Variants in GPC5 observed in about 807,000 individuals in gnomAD.
GPC5 encodes the protein glypican 5, also known as glypican-5.
In GPC5, 47 loss-of-function variants were observed where a neutral mutation model predicts 53.9. The observed-to-expected ratio is 0.87, with a 90% CI of 0.69 to 1.11. The LOEUF is 1.11. Among genes scored for constraint, GPC5 ranks in the 50% most tolerant of loss-of-function variants. The probability of loss-of-function intolerance (pLI) is 0.00; values close to 1 mark genes in which losing one functional copy is unlikely to be tolerated. For missense variants in GPC5, 748 were observed against 713.1 expected (o/e 1.05, Z -0.56); for synonymous variants, 286 against 263.3 (o/e 1.09, Z -0.84).
intron 7 of GPC5, chr13:92,484,610 G>A (rs1424578570): frequency 6.6e-6 from 1 of 152,182 alleles, no homozygotes; most frequent in Non-Finnish European, 1.5e-5. Flanking sequence ...CTTGTTGACT[G>A]AAATGTGCTT....
At chr13:91,732,252 T>A (rs2036715983) in intron 4 of GPC5, among the ~76,000 whole-genome samples, 1 of 152,232 alleles carries the variant, frequency 6.6e-6, no homozygotes, top group Non-Finnish European at 1.5e-5. Flanking sequence ...AGTATCTCAT[T>A]GTGATTTTGA....
At position 91,552,226 on chromosome 13, in the gene GPC5, T is replaced by C. The variant is rs9589292; in HGVS notation, c.325+103304T>C. ...TGGCTGAGGTCTTATTCTATGCTCTTGATTCCTTGTTGTTTTTTTCCACCT... is the reference window on the plus strand; with the variant it reads ...TGGCTGAGGTCTTATTCTATGCTCTCGATTCCTTGTTGTTTTTTTCCACCT... On this transcript the variant is annotated intron_variant, in intron 2 of 7. Transcript: ENST00000377067. Among the ~76,000 whole-genome samples the C allele has an allele frequency of 8.6e-3, 1,316 of 152,230 alleles. 17 individuals carry two copies. The highest frequency in any genetic ancestry group is 0.031 in the African/African-American group (1,276 of 41,548).
chr13:91,611,644 T>C (rs1176752693), intron 2 of GPC5, among the ~76,000 whole-genome samples: 4 of 152,316 alleles, frequency 2.6e-5, no homozygotes, highest in African/African-American at 9.6e-5. Flanking sequence ...GTACCTGTAT[T>C]GTTCTAATGT....
chr13:92,719,922 T>C (rs1014655747), intron 7 of GPC5: 1 of 152,194 alleles, frequency 6.6e-6, no homozygotes, highest in African/African-American at 2.4e-5. Context: ...CCTTTCCCTC[T>C]TCTTGTTGTT....
chr13:92,680,469 CA>C (rs1221038327), intron 7 of GPC5, among the ~76,000 whole-genome samples: 1 of 152,048 alleles, frequency 6.6e-6, no homozygotes, highest in Admixed American at 6.6e-5. Context: ...TCCTGCAAAA[CA>C]GGATTAGAGA....
intron 7 of GPC5, among the ~76,000 whole-genome samples, chr13:92,748,061 G>C (rs557133398): frequency 6.6e-6 from 1 of 152,046 alleles, no homozygotes; most frequent in East Asian, 1.9e-4. Flanking sequence ...ATGCAAAAAA[G>C]GGTTCTTGTT....
intron 2 of GPC5, 146 bp downstream of exon 2, chr13:91,449,068 C>T (rs1366171683): frequency 1.1e-6 from 1 of 874,900 alleles, no homozygotes; most frequent in African/African-American, 1.7e-5. Context: ...TTTTTCTAGC[C>T]TTCAAAACTT....
intron 7 of GPC5, among the ~76,000 whole-genome samples, chr13:92,475,531 G>A (rs1879078200): frequency 6.6e-6 from 1 of 151,248 alleles, no homozygotes; most frequent in Non-Finnish European, 1.5e-5. Context: ...AAGAATGCTT[G>A]TGATTTTTGT....
chr13:92,603,077 G>A (rs1321211188), intron 7 of GPC5, among the ~76,000 whole-genome samples: 1 of 152,148 alleles, frequency 6.6e-6, no homozygotes, highest in Non-Finnish European at 1.5e-5. Flanking sequence ...AGTCACTGAA[G>A]CTATAGACTT....
At chr13:92,198,551 G>T (rs1593986645) in intron 7 of GPC5, among the ~76,000 whole-genome samples, 1 of 152,136 alleles carries the variant, frequency 6.6e-6, no homozygotes, top group South Asian at 2.1e-4. Flanking sequence ...GATTAATGTG[G>T]ACTGATGTGG....
At chr13:92,388,959 C>G (rs985469726) in intron 7 of GPC5, among the ~76,000 whole-genome samples, 3 of 152,026 alleles carry the variant, frequency 2.0e-5, no homozygotes, top group African/African-American at 7.2e-5. Flanking sequence ...GTAACCTTGT[C>G]TGATGTTGAT....
chr13:91,919,396 A>G (rs988670331), intron 6 of GPC5, among the ~76,000 whole-genome samples: 1 of 152,216 alleles, frequency 6.6e-6, no homozygotes, highest in Non-Finnish European at 1.5e-5. Flanking sequence ...AAGTAAAGTC[A>G]CTAGTTATCA....
At chr13:92,157,797 G>A (rs1270882239) in intron 7 of GPC5, among the ~76,000 whole-genome samples, 1 of 152,026 alleles carries the variant, frequency 6.6e-6, no homozygotes, top group Non-Finnish European at 1.5e-5. Context: ...ACTTGGTTGA[G>A]TTAAACTATC....
At chr13:91,744,087 G>A (rs977756781) in intron 4 of GPC5, among the ~76,000 whole-genome samples, 1 of 152,164 alleles carries the variant, frequency 6.6e-6, no homozygotes, top group East Asian at 1.9e-4. Flanking sequence ...AGGATTTATA[G>A]TCTTCAATGT....
At chr13:91,874,001 C>T (rs1353752795) in intron 5 of GPC5, among the ~76,000 whole-genome samples, 1 of 152,152 alleles carries the variant, frequency 6.6e-6, no homozygotes, top group Non-Finnish European at 1.5e-5. Context: ...TATTGAATGT[C>T]TCTGGGCCTC....
intron 7 of GPC5, among the ~76,000 whole-genome samples, chr13:92,840,084 T>TATATATATATATATAC (rs1878377249): frequency 7.9e-5 from 2 of 25,344 alleles, no homozygotes; most frequent in African/African-American, 3.7e-4. Flanking sequence ...CATACATATA[T>TATATATATATATATAC]ATATATATAT....
intron 7 of GPC5, among the ~76,000 whole-genome samples, chr13:92,806,133 A>G (rs1299774682): frequency 1.3e-5 from 2 of 152,108 alleles, no homozygotes; most frequent in African/African-American, 2.4e-5. Flanking sequence ...GATCTTCTAG[A>G]TAACTTGCTG....
At chr13:92,491,391 A>G (rs1879755507) in intron 7 of GPC5, among the ~76,000 whole-genome samples, 1 of 152,134 alleles carries the variant, frequency 6.6e-6, no homozygotes, top group Non-Finnish European at 1.5e-5. Flanking sequence ...AAACTATTAT[A>G]TTTTAGAAAT....
chr13:91,597,123 C>T (rs1280926506), intron 2 of GPC5, among the ~76,000 whole-genome samples: 1 of 152,108 alleles, frequency 6.6e-6, no homozygotes, highest in Non-Finnish European at 1.5e-5. Context: ...GTTTTTTCTC[C>T]AGCTTCAAGG....
Sources: allele counts gnomAD v4.1 joint callset (sites outside exome capture counted in the v4.1 genomes callset), GRCh38; gene constraint gnomAD v4.1.1; transcripts MANE v1.5; gene names NCBI Gene and HGNC (gene_info 2026-07-23, HGNC 2026-07-21).